Variants in KHDRBS3 observed in about 807,000 individuals in gnomAD.
KHDRBS3 encodes KH domain-containing, RNA-binding, signal transduction-associated protein 3.
In KHDRBS3, 23 loss-of-function variants were observed where a neutral mutation model predicts 45.6. That is an observed-to-expected ratio of 0.50 (90% confidence interval 0.36 to 0.72). The LOEUF is 0.72. Ranked by LOEUF, KHDRBS3 falls within the 30% of genes least tolerant of loss-of-function variation. KHDRBS3 has a pLI of 0.00. For synonymous variants in KHDRBS3, 162 were observed against 156.5 expected (o/e 1.04, Z -0.26); for missense variants, 352 against 424.8 (o/e 0.83, Z 1.51).
intron 3 of KHDRBS3, among the ~76,000 whole-genome samples, chr8:135,543,361 A>G (rs1826135454): frequency 6.6e-6 from 1 of 152,152 alleles, no homozygotes; most frequent in African/African-American, 2.4e-5. Context: ...AAATATGCCA[A>G]TTCTGAAAAT....
intron 5 of KHDRBS3, among the ~76,000 whole-genome samples, chr8:135,579,479 C>T (rs369438917): frequency 9.9e-5 from 15 of 152,168 alleles, no homozygotes; most frequent in East Asian, 5.8e-4. Flanking sequence ...GCATTACAGG[C>T]GTGTATCACC....
At chr8:135,656,035 C>G (rs893921949) in intron 4 of KHDRBS3, among the ~76,000 whole-genome samples, 1 of 152,100 alleles carries the variant, frequency 6.6e-6, no homozygotes, top group African/African-American at 2.4e-5. Context: ...ATTTGTCTGT[C>G]TTTATTGAAC....
intron 6 of KHDRBS3, among the ~76,000 whole-genome samples, chr8:135,591,385 C>G (rs541743198): frequency 5.3e-5 from 8 of 152,344 alleles, no homozygotes; most frequent in Non-Finnish European, 1.2e-4. Context: ...CCTCATAGGA[C>G]AGCTACCTTT....
intron 1 of KHDRBS3, among the ~76,000 whole-genome samples, chr8:135,495,855 G>GT (rs1369981438): frequency 6.6e-6 from 1 of 152,106 alleles, no homozygotes; most frequent in East Asian, 1.9e-4. Context: ...CTCTCTGGAG[G>GT]TAATTAGAGA....
intron 1 of KHDRBS3, among the ~76,000 whole-genome samples, chr8:135,492,517 A>T (rs1019159438): frequency 1.4e-4 from 2 of 14,536 alleles, no homozygotes; most frequent in Non-Finnish European, 3.2e-4. Context: ...ATATATATAC[A>T]TATATATATA....
At chr8:135,527,081 A>T (rs1283544028) in intron 2 of KHDRBS3, among the ~76,000 whole-genome samples, 1 of 151,994 alleles carries the variant, frequency 6.6e-6, no homozygotes, top group Non-Finnish European at 1.5e-5. Flanking sequence ...GTTTACATTT[A>T]TTTTTTTATT....
At chr8:135,654,291 A>T (rs185821486) in intron 4 of KHDRBS3, among the ~76,000 whole-genome samples, 4 of 152,356 alleles carry the variant, frequency 2.6e-5, no homozygotes, top group Admixed American at 2.6e-4. Flanking sequence ...ATTAAAGGCA[A>T]TGCAAGAAGC....
At chr8:135,628,587 T>C (rs1228994329) in intron 7 of KHDRBS3, among the ~76,000 whole-genome samples, 1 of 152,218 alleles carries the variant, frequency 6.6e-6, no homozygotes, top group Non-Finnish European at 1.5e-5. Flanking sequence ...CTATTATTAG[T>C]GTGATATTAA....
intron 1 of KHDRBS3, among the ~76,000 whole-genome samples, chr8:135,512,166 G>A (rs1216011623): frequency 1.3e-5 from 2 of 152,158 alleles, no homozygotes; most frequent in Admixed American, 1.3e-4. Flanking sequence ...CATTTGTCAT[G>A]TTGGAGGTTA....
chr8:135,587,116 T>A lies in KHDRBS3; in HGVS notation c.807+5043T>A, dbSNP rs6981848. ...CCAAAGTGAGAAAACTTGACAATTC[T>A]CAGGTATTTCCTTGTAAAATGTGCC... On this transcript the variant is annotated intron_variant, in intron 6 of 8. Transcript: ENST00000355849. Among the ~76,000 whole-genome samples, 12 of 152,280 alleles carry A rather than the reference T, an allele frequency of 7.9e-5. 1 individual carries two copies. The highest frequency in any genetic ancestry group is 3.9e-4 in the Admixed American group (6 of 15,302).
chr8:135,541,907 T>C (rs569811287), intron 2 of KHDRBS3: 49 of 152,274 alleles, frequency 3.2e-4, no homozygotes, highest in African/African-American at 1.2e-3. Context: ...AGGTAGGTCT[T>C]GTTGTCATTC....
chr8:135,582,003 C>G lies in KHDRBS3; in HGVS notation c.737C>G (p.Ala246Gly), dbSNP rs1380748232. 2 of 1,612,816 alleles carry G rather than the reference C, an allele frequency of 1.2e-6. No homozygotes were observed. Among genetic ancestry groups the G allele is most frequent in the Non-Finnish European group, 1.7e-6 (2 of 1,179,404 alleles). ...SRGRGLLTPR[A>G]RGVPPTGYRP... is the part of the protein sequence containing the mutation. ...GGAAGAGGACTTCTCACTCCCAGAG[C>G]AAGAGGAGTCCCCCCAACTGGGTAC... The change falls in exon 6 of 9, where the codon GCA (alanine) becomes GGA (glycine). Residue 246 changes from alanine to glycine, a missense_variant. Coordinates refer to ENST00000355849, the MANE Select transcript of KHDRBS3 (RefSeq NM_006558.3).
At chr8:135,503,049 A>G (rs1823812241) in intron 1 of KHDRBS3, among the ~76,000 whole-genome samples, 1 of 152,152 alleles carries the variant, frequency 6.6e-6, no homozygotes, top group Non-Finnish European at 1.5e-5. Flanking sequence ...CATTTTTGTG[A>G]TCATAGAAAG....
intron 7 of KHDRBS3, among the ~76,000 whole-genome samples, chr8:135,632,867 G>A (rs1257844949): frequency 6.6e-6 from 1 of 152,028 alleles, no homozygotes; most frequent in Non-Finnish European, 1.5e-5. Context: ...CCAAGAATGT[G>A]TCCCCTGAAG....
intron 3 of KHDRBS3, among the ~76,000 whole-genome samples, chr8:135,543,222 A>G (rs1401950615): frequency 6.6e-6 from 1 of 152,040 alleles, no homozygotes; most frequent in Non-Finnish European, 1.5e-5. Flanking sequence ...GAATGTTATT[A>G]AAATTGATTT....
chr8:135,515,022 C>G (rs1824496874), intron 1 of KHDRBS3, among the ~76,000 whole-genome samples: 1 of 151,994 alleles, frequency 6.6e-6, no homozygotes. Flanking sequence ...GTATGGTGAG[C>G]TCAGATGGAT....
chr8:135,637,655 C>T (rs1027865831), intron 7 of KHDRBS3, among the ~76,000 whole-genome samples: 4 of 151,984 alleles, frequency 2.6e-5, no homozygotes, highest in African/African-American at 9.7e-5. Flanking sequence ...TTATTACAGG[C>T]GAGTTATTGA....
At chr8:135,518,051 A>G (rs1824708513) in intron 1 of KHDRBS3, among the ~76,000 whole-genome samples, 1 of 152,208 alleles carries the variant, frequency 6.6e-6, no homozygotes, top group Non-Finnish European at 1.5e-5. Flanking sequence ...TGATTTTCTT[A>G]CGACAAAATG....
rs927330913 is a variant in KHDRBS3 at position 135,579,691 on chromosome 8, G to A, written c.612-2187G>A. ...CTGAAAGTTGTTATGAATGAATGTCGCCATTGGCCGCATGCTTTTTCTGCT... is the reference window on the plus strand; with the variant it reads ...CTGAAAGTTGTTATGAATGAATGTCACCATTGGCCGCATGCTTTTTCTGCT... On this transcript the variant is annotated intron_variant, in intron 5 of 8. Transcript: ENST00000355849. Among the ~76,000 whole-genome samples, 4 of 152,064 alleles carry A rather than the reference G, an allele frequency of 2.6e-5. No homozygotes were observed. In the East Asian group the frequency reaches 5.8e-4, roughly 22 times the overall value.
Sources: allele counts gnomAD v4.1 joint callset (sites outside exome capture counted in the v4.1 genomes callset), GRCh38; gene constraint gnomAD v4.1.1; transcripts MANE v1.5; gene names NCBI Gene and HGNC (gene_info 2026-07-23, HGNC 2026-07-21).